The following MSH4 variants were observed in gnomAD, a reference collection of about 807,000 sequenced individuals.
MSH4 encodes the protein mutS homolog 4.
MSH4 carries 106 observed loss-of-function variants against 113.7 expected under a neutral mutation model. The observed-to-expected ratio is 0.93, with a 90% CI of 0.80 to 1.10. The LOEUF is 1.10. MSH4 is among the 50% of genes least tolerant of loss of function. The pLI, the probability that MSH4 is intolerant of heterozygous loss-of-function variation, is 0.00. For missense variants in MSH4, 1,061 were observed against 1,093.7 expected (o/e 0.97, Z 0.42); for synonymous variants, 368 against 380.2 (o/e 0.97, Z 0.37).
intron 8 of MSH4, among the ~76,000 whole-genome samples, chr1:75,859,867 C>T (rs1417869452): frequency 3.9e-5 from 6 of 152,040 alleles, no homozygotes; most frequent in East Asian, 3.9e-4. Context: ...GGTGTGTTAA[C>T]GTCTCCCATT....
chr1:75,805,202 A>C (rs1329100475), intron 2 of MSH4, among the ~76,000 whole-genome samples: 3 of 151,446 alleles, frequency 2.0e-5, no homozygotes, highest in Non-Finnish European at 1.5e-5. Context: ...AGACATCTCT[A>C]AGGTTCTAAA....
At chr1:75,813,173 G>T (rs996908466) in intron 4 of MSH4, among the ~76,000 whole-genome samples, 15 of 152,132 alleles carry the variant, frequency 9.9e-5, no homozygotes, top group African/African-American at 3.6e-4. Context: ...ATGAATTCCA[G>T]GGAAGGATGC....
chr1:75,810,645 AC>A, intron 3 of MSH4, 51 bp from the exon 4 acceptor site: 1 of 829,556 alleles, frequency 1.2e-6, no homozygotes, highest in African/African-American at 1.8e-5. Context: ...AAAATATGAA[AC>A]TTTTATTTCC....
At chr1:75,802,837 G>T (rs1401827630) in intron 1 of MSH4, among the ~76,000 whole-genome samples, 1 of 152,152 alleles carries the variant, frequency 6.6e-6, no homozygotes, top group Non-Finnish European at 1.5e-5. Context: ...AAGGTCAAAG[G>T]AGGCACATTT....
intron 9 of MSH4, among the ~76,000 whole-genome samples, chr1:75,875,539 T>G (rs1428958484): frequency 1.3e-5 from 2 of 152,196 alleles, no homozygotes; most frequent in Non-Finnish European, 2.9e-5. Context: ...AGAGGAAACA[T>G]TTCTAAAAGC....
At chr1:75,841,016 G>C (rs903922400) in intron 7 of MSH4, among the ~76,000 whole-genome samples, 1 of 152,240 alleles carries the variant, frequency 6.6e-6, no homozygotes, top group East Asian at 1.9e-4. Flanking sequence ...AATCCTAGCA[G>C]TGATATTCGA....
intron 8 of MSH4, among the ~76,000 whole-genome samples, chr1:75,866,922 G>A (rs1037025530): frequency 3.3e-5 from 5 of 152,100 alleles, no homozygotes; most frequent in African/African-American, 9.7e-5. Context: ...CCAGGCACAG[G>A]ATCATTCCTC....
At chr1:75,875,702 G>A (rs1651803576) in intron 9 of MSH4, among the ~76,000 whole-genome samples, 1 of 152,160 alleles carries the variant, frequency 6.6e-6, no homozygotes, top group African/African-American at 2.4e-5. Flanking sequence ...GAAATTATTA[G>A]TTGTTGCTGT....
intron 15 of MSH4, among the ~76,000 whole-genome samples, chr1:75,885,027 A>ATG (rs1204389052): frequency 1.9e-4 from 23 of 121,270 alleles, no homozygotes; most frequent in African/African-American, 8.0e-4. Context: ...GTATATATAT[A>ATG]TATGTGTGTG....
intron 7 of MSH4, among the ~76,000 whole-genome samples, chr1:75,844,774 A>C (rs529847467): frequency 3.0e-4 from 45 of 152,362 alleles, no homozygotes; most frequent in Non-Finnish European, 5.1e-4. Context: ...TGGTACATGC[A>C]AGACACTTTA....
chr1:75,908,240 G>A (rs1652712916), intron 19 of MSH4, among the ~76,000 whole-genome samples: 1 of 149,752 alleles, frequency 6.7e-6, no homozygotes, highest in African/African-American at 2.5e-5. Context: ...CTGCCTCCTG[G>A]GTTCAAGAAA....
intron 19 of MSH4, among the ~76,000 whole-genome samples, chr1:75,906,915 GCTCTGC>G (rs943954894): frequency 2.0e-5 from 3 of 150,086 alleles, no homozygotes; most frequent in African/African-American, 7.4e-5. Context: ...CTCACTGCAA[GCTCTGC>G]CTCCTGGGTT....
intron 19 of MSH4, among the ~76,000 whole-genome samples, chr1:75,906,877 A>G (rs1652670314): frequency 6.9e-6 from 1 of 144,928 alleles, no homozygotes; most frequent in African/African-American, 2.6e-5. Flanking sequence ...TCTCTTGCCC[A>G]GGCTGCAGTG....
chr1:75,811,343 C>T (rs1650185847), intron 4 of MSH4, among the ~76,000 whole-genome samples: 1 of 152,046 alleles, frequency 6.6e-6, no homozygotes, highest in Non-Finnish European at 1.5e-5. Flanking sequence ...TGATTTGGCA[C>T]CCTGATCTAC....
intron 11 of MSH4, among the ~76,000 whole-genome samples, chr1:75,878,633 T>C (rs1256181284): frequency 6.6e-6 from 1 of 152,078 alleles, no homozygotes; most frequent in Non-Finnish European, 1.5e-5. Context: ...GCTAGTCTTT[T>C]GTAGAGACAA....
intron 1 of MSH4, among the ~76,000 whole-genome samples, chr1:75,798,499 T>C (rs1456446423): frequency 6.6e-6 from 1 of 152,138 alleles, no homozygotes; most frequent in Non-Finnish European, 1.5e-5. Flanking sequence ...CTGAAGTTTT[T>C]ATTGATGGAC....
chr1:75,890,780 A>G lies in MSH4; in HGVS notation c.2311A>G (p.Ile771Val). The change falls in exon 17 of 20, where the codon ATT becomes GTT. Residue 771 changes from isoleucine to valine, a missense_variant. Physicochemically the swap from Ile to Val is conservative, Grantham distance 29. Coordinates refer to ENST00000263187, the MANE Select transcript of MSH4 (RefSeq NM_002440.4). ...CAGAGGTACTAATACGGAAGAAGGTATTGGCATTTGTTATGCTGTTTGTGA... is the reference window on the plus strand; with the variant it reads ...CAGAGGTACTAATACGGAAGAAGGTGTTGGCATTTGTTATGCTGTTTGTGA... ...LGRGTNTEEG[I>V]GICYAVCEYL... is the part of the protein sequence containing the mutation. 1 of 1,609,652 alleles carries G rather than the reference A, an allele frequency of 6.2e-7. No homozygotes were observed. The highest frequency in any genetic ancestry group is 1.7e-5 in the Admixed American group (1 of 59,414).
chr1:75,902,669 GTATGTATATATATATATATATATATA>G (rs1652529760), intron 19 of MSH4, among the ~76,000 whole-genome samples: 1 of 44,162 alleles, frequency 2.3e-5, no homozygotes, highest in Non-Finnish European at 4.2e-5. Flanking sequence ...TTATATATGT[GTATGTATATATATATATATATATATA>G]TATATATATA....
intron 19 of MSH4, among the ~76,000 whole-genome samples, chr1:75,910,068 T>G (rs1265161250): frequency 5.3e-5 from 8 of 152,254 alleles, no homozygotes; most frequent in African/African-American, 1.9e-4. Context: ...TATGCTTAGA[T>G]TTCTCCCCTA....
Sources: allele counts gnomAD v4.1 joint callset (sites outside exome capture counted in the v4.1 genomes callset), GRCh38; gene constraint gnomAD v4.1.1; transcripts MANE v1.5; gene names NCBI Gene and HGNC (gene_info 2026-07-23, HGNC 2026-07-21).